Variants in MYOM2 observed in about 807,000 individuals in gnomAD.
MYOM2 encodes the protein myomesin 2, also known as myomesin-2.
MYOM2 carries 254 observed loss-of-function variants against 187.6 expected under a neutral mutation model. That is an observed-to-expected ratio of 1.35 (90% CI 1.22 to 1.50). MYOM2 has a LOEUF of 1.50. Ranked by LOEUF, MYOM2 falls within the 40% of genes most tolerant of loss-of-function variation. The probability of loss-of-function intolerance (pLI) is 0.00; values close to 1 mark genes in which losing one functional copy is unlikely to be tolerated. For synonymous variants in MYOM2, 981 were observed against 753.8 expected (o/e 1.30, Z -4.94); for missense variants, 2,796 against 1,924.0 (o/e 1.45, Z -8.48).
At chr8:2,087,431 G>C (rs947845762) in intron 14 of MYOM2, among the ~76,000 whole-genome samples, 1 of 152,126 alleles carries the variant, frequency 6.6e-6, no homozygotes, top group Non-Finnish European at 1.5e-5. Flanking sequence ...GTAGAAACTA[G>C]AAATATTTCA....
chr8:2,096,315 A>G lies in MYOM2; in HGVS notation c.2194A>G (p.Lys732Glu). ...CDGHSMTLGWKVPKFSGGSPI... is the reference protein window; with the variant it reads ...CDGHSMTLGWEVPKFSGGSPI... ...CGGCCACTCCATGACCCTCGGCTGG[A>G]AGGTCCCGAAATTCAGTGGTGGCTC... The change falls in exon 18 of 37, where the codon AAG (lysine) becomes GAG (glutamate). Residue 732 changes from lysine to glutamate, a missense_variant. Lys to Glu is a moderately conservative substitution (Grantham distance 56). Transcript: ENST00000262113. 3 of 1,614,188 alleles carry G rather than the reference A, an allele frequency of 1.9e-6. No homozygotes were observed. Among genetic ancestry groups the G allele is most frequent in the Non-Finnish European group, 2.5e-6 (3 of 1,180,040 alleles).
intron 10 of MYOM2, among the ~76,000 whole-genome samples, chr8:2,075,559 T>G (rs1819388179): frequency 6.6e-6 from 1 of 152,172 alleles, no homozygotes; most frequent in African/African-American, 2.4e-5. Context: ...AAATACATAG[T>G]TTAGATAAGA....
At chr8:2,113,560 G>A (rs1797137348) in intron 25 of MYOM2, among the ~76,000 whole-genome samples, 1 of 152,126 alleles carries the variant, frequency 6.6e-6, no homozygotes, top group African/African-American at 2.4e-5. Flanking sequence ...GAAGAGAGGT[G>A]ACAGTTGCAG....
At chr8:2,131,118 C>A (rs187932581) in intron 32 of MYOM2, among the ~76,000 whole-genome samples, 4 of 152,260 alleles carry the variant, frequency 2.6e-5, no homozygotes, top group African/African-American at 9.6e-5. Context: ...TAAACACACA[C>A]CCACACACAG....
At chr8:2,090,972 T>G (rs921107869) in intron 15 of MYOM2, among the ~76,000 whole-genome samples, 10 of 148,800 alleles carry the variant, frequency 6.7e-5, no homozygotes, top group African/African-American at 1.8e-4. Context: ...TATATTCCTC[T>G]GGGTATATAT....
At position 2,102,682 on chromosome 8, in the gene MYOM2, C is replaced by T; in HGVS notation, c.2635C>T (p.Gln879Ter). The change falls in exon 21 of 37, where the codon CAA (glutamine) becomes TAA (stop). Residue 879 changes from glutamine to a stop codon, truncating the protein, a stop_gained. Transcript: ENST00000262113. LOFTEE classifies it high-confidence loss of function. ...TTGTTTCAAGGTCTCTGACCTGCAG[C>T]AAGGTAAGACCTATGTCTTCAGGGT... ...SRYLKVSDLQQGKTYVFRVRA... is the reference protein window; with the variant it reads ...SRYLKVSDLQ The T allele has an allele frequency of 6.2e-7, 1 of 1,610,916 alleles. No individual in the cohort carries two copies. Among genetic ancestry groups the T allele is most frequent in the Non-Finnish European group, 8.5e-7 (1 of 1,177,286 alleles).
intron 32 of MYOM2, among the ~76,000 whole-genome samples, chr8:2,140,279 A>T (rs1798227049): frequency 6.6e-6 from 1 of 151,854 alleles, no homozygotes; most frequent in Admixed American, 6.6e-5. Context: ...TCCATTCATC[A>T]CCAATGGACG....
intron 32 of MYOM2, among the ~76,000 whole-genome samples, chr8:2,134,105 A>C (rs1018923834): frequency 6.6e-6 from 1 of 151,434 alleles, no homozygotes; most frequent in Non-Finnish European, 1.5e-5. Context: ...ATGTAATACT[A>C]TTAACTCTGC....
chr8:2,100,113 T>TTCC (rs1796645805), intron 19 of MYOM2, among the ~76,000 whole-genome samples: 66 of 62,706 alleles, frequency 1.1e-3, no homozygotes, highest in East Asian at 3.3e-3. Flanking sequence ...TCCTTCTTTC[T>TTCC]TTCCTTCCTT....
At chr8:2,083,825 G>A (rs538590978) in intron 13 of MYOM2, among the ~76,000 whole-genome samples, 35 of 152,296 alleles carry the variant, frequency 2.3e-4, no homozygotes, top group African/African-American at 7.5e-4. Context: ...TGCCCCAGCC[G>A]GGGATCCCCT....
Position 2,102,658 on chromosome 8 carries a change from T to A in MYOM2, c.2620-9T>A, listed in dbSNP as rs1161781303. 1.3e-6 allele frequency: 2 copies of A among 1,593,508 alleles called. No homozygotes were observed. Among genetic ancestry groups the A allele is most frequent in the Non-Finnish European group, 1.7e-6 (2 of 1,162,398 alleles). On this transcript the variant is annotated splice_polypyrimidine_tract_variant and intron_variant, in intron 20 of 36. Coordinates refer to ENST00000262113, the MANE Select transcript of MYOM2 (RefSeq NM_003970.4). ...TCCACACATCTGGTGTTTCCTCTGT[T>A]GTTTCAAGGTCTCTGACCTGCAGCA...
At chr8:2,071,503 C>G (rs1346403307) in intron 8 of MYOM2, among the ~76,000 whole-genome samples, 1 of 152,124 alleles carries the variant, frequency 6.6e-6, no homozygotes, top group East Asian at 1.9e-4. Context: ...GCAAATACCA[C>G]CGTTTGTTTT....
In MYOM2 at chr8:2,078,965, C is replaced by T. The variant is rs529184901; in HGVS notation, c.1462+32C>T. ...TGCTCACGCCTAAGTATCCACTGTGCCCAGGAAGCTTTGGCTGTTTTGTGT... is the reference window on the plus strand; with the variant it reads ...TGCTCACGCCTAAGTATCCACTGTGTCCAGGAAGCTTTGGCTGTTTTGTGT... On this transcript the variant is annotated intron_variant, in intron 12 of 36. Transcript: ENST00000262113. 7.3e-5 allele frequency: 116 copies of T among 1,599,990 alleles called. 1 individual carries two copies. The South Asian group carries it at 1.1e-3, about 15-fold the overall frequency.
At chr8:2,136,491 G>A (rs888284967) in intron 32 of MYOM2, among the ~76,000 whole-genome samples, 1 of 152,172 alleles carries the variant, frequency 6.6e-6, no homozygotes, top group African/African-American at 2.4e-5. Context: ...GGGTTCAAGT[G>A]TTCTTCCCCC....
rs747733831 is a variant in MYOM2 at position 2,143,381 on chromosome 8, A to G, written c.4025-20A>G. The G allele has an allele frequency of 6.2e-7, 1 of 1,614,008 alleles. No homozygotes were observed. The highest frequency in any genetic ancestry group is 1.3e-5 in the African/African-American group (1 of 74,908). On this transcript the variant is annotated intron_variant, in intron 35 of 36. Transcript: ENST00000262113. Reference sequence around the variant, plus strand: ...ACGTCCCGCAGATGTTTTCCTAACCAAGGTGCTTTCCCGTTGCAGATCGTG... The same window carrying G: ...ACGTCCCGCAGATGTTTTCCTAACCGAGGTGCTTTCCCGTTGCAGATCGTG...
chr8:2,081,883 C>T (rs1419431933), intron 13 of MYOM2: 1 of 152,274 alleles, frequency 6.6e-6, no homozygotes, highest in Non-Finnish European at 1.5e-5. Flanking sequence ...GACACAGATG[C>T]TCTTTTCCAT....
At chr8:2,072,632 C>A in intron 9 of MYOM2, 123 bp downstream of exon 9, 1 of 1,202,966 alleles carries the variant, frequency 8.3e-7, no homozygotes, top group Non-Finnish European at 1.1e-6. Context: ...GACAGCGAAA[C>A]AAACTGAGGG....
intron 13 of MYOM2, among the ~76,000 whole-genome samples, chr8:2,083,752 C>T (rs116874639): frequency 0.011 from 1,604 of 152,284 alleles, 8 homozygotes; most frequent in Non-Finnish European, 0.015. Flanking sequence ...TCTGCAAATC[C>T]GCAAGGCTTG....
At chr8:2,097,437 T>C (rs1796532525) in intron 18 of MYOM2, among the ~76,000 whole-genome samples, 1 of 152,220 alleles carries the variant, frequency 6.6e-6, no homozygotes, top group Non-Finnish European at 1.5e-5. Context: ...AATGATTAAA[T>C]CAAGCCAATT....
Sources: gnomAD v4.1 joint callset for allele counts (sites outside exome capture counted in the v4.1 genomes callset) on GRCh38, gnomAD v4.1.1 for gene constraint, MANE v1.5 for transcripts, NCBI Gene and HGNC (gene_info 2026-07-23, HGNC 2026-07-21) for gene names.